Variants in BCKDHB observed in about 807,000 individuals in gnomAD.
The protein encoded by BCKDHB is branched chain keto acid dehydrogenase E1 subunit beta.
Under a neutral mutation model 48.5 loss-of-function variants are expected in BCKDHB, and 41 were observed. That is an observed-to-expected ratio of 0.85 (90% CI 0.66 to 1.10). The LOEUF (loss-of-function observed/expected upper bound fraction) is 1.10. Ranked by LOEUF, BCKDHB falls within the 50% of genes least tolerant of loss-of-function variation. The pLI is 0.00. For synonymous variants in BCKDHB, 201 were observed against 174.8 expected (o/e 1.15, Z -1.18); for missense variants, 496 against 494.2 (o/e 1.00, Z -0.03).
At chr6:80,286,183 A>G (rs937523540) in intron 9 of BCKDHB, among the ~76,000 whole-genome samples, 2 of 152,210 alleles carry the variant, frequency 1.3e-5, no homozygotes, top group African/African-American at 4.8e-5. Context: ...AGCACAATAC[A>G]TAATTAAGAA....
rs576280783 is a variant in BCKDHB, at chr6:80,111,483, A to G, written c.196+4594A>G. ...CAGGGGACTGGCAGGGGCTTAATAT[A>G]GTCCTTTATCCAATTCTCGTTTTTC... On this transcript the variant is annotated intron_variant, in intron 1 of 9. Coordinates refer to ENST00000320393, the MANE Select transcript of BCKDHB (RefSeq NM_183050.4). Among the ~76,000 whole-genome samples, 7 of 152,290 alleles carry G rather than the reference A, an allele frequency of 4.6e-5. No individual in the cohort carries two copies. In the South Asian group the frequency reaches 1.5e-3, roughly 32 times the overall value.
chr6:80,354,282 C>G, the BCKDHB span, among the ~76,000 whole-genome samples: 1 of 152,094 alleles, frequency 6.6e-6, no homozygotes, highest in South Asian at 2.1e-4. Context: ...GGCTGGAGTG[C>G]AATGGGGTGA....
At chr6:80,166,584 AGTCAGAGG>A (rs1772580787) in intron 3 of BCKDHB, among the ~76,000 whole-genome samples, 1 of 151,648 alleles carries the variant, frequency 6.6e-6, no homozygotes, top group Non-Finnish European at 1.5e-5. Context: ...TGAACTCAGG[AGTCAGAGG>A]TTGCAGTGAG....
At chr6:80,371,949 G>A in the BCKDHB span, among the ~76,000 whole-genome samples, 1 of 152,016 alleles carries the variant, frequency 6.6e-6, no homozygotes, top group East Asian at 1.9e-4. Context: ...GCTTCATCTT[G>A]CTTTGGCTAT....
chr6:80,457,347 C>T, the BCKDHB span, among the ~76,000 whole-genome samples: 1 of 152,106 alleles, frequency 6.6e-6, no homozygotes, highest in Non-Finnish European at 1.5e-5. Flanking sequence ...ATGCTGACAC[C>T]AGCAGAAAAA....
At chr6:80,452,510 G>GA in the BCKDHB span, among the ~76,000 whole-genome samples, 19 of 151,620 alleles carry the variant, frequency 1.3e-4, no homozygotes, top group African/African-American at 2.4e-4. Context: ...GCTTAAAGGA[G>GA]AAAAAAAATC....
chr6:80,160,368 G>C (rs540997470), intron 3 of BCKDHB, among the ~76,000 whole-genome samples: 127 of 152,242 alleles, frequency 8.3e-4, no homozygotes, highest in African/African-American at 3.0e-3. Context: ...ATGTTGGCCA[G>C]GCTGGTTTCG....
chr6:80,338,596 T>A (rs1425072219), intron 9 of BCKDHB, among the ~76,000 whole-genome samples: 1 of 152,258 alleles, frequency 6.6e-6, no homozygotes, highest in Non-Finnish European at 1.5e-5. Flanking sequence ...GTTAGCTGTT[T>A]AGGCATTGTG....
intron 6 of BCKDHB, among the ~76,000 whole-genome samples, chr6:80,180,399 G>T (rs1773356676): frequency 6.6e-6 from 1 of 152,134 alleles, no homozygotes; most frequent in South Asian, 2.1e-4. Flanking sequence ...ACAAAATAGT[G>T]ATGATTCAAA....
chr6:80,371,983 A>T, the BCKDHB span, among the ~76,000 whole-genome samples: 1 of 151,998 alleles, frequency 6.6e-6, no homozygotes, highest in East Asian at 1.9e-4. Context: ...TTGGTTCCAT[A>T]TGAATTTTGG....
intron 9 of BCKDHB, among the ~76,000 whole-genome samples, chr6:80,300,540 G>A (rs754420861): frequency 1.4e-4 from 22 of 152,210 alleles, no homozygotes; most frequent in Admixed American, 7.2e-4. Context: ...AAAAGACTTC[G>A]ACAACCACAC....
At chr6:80,318,934 T>A (rs545419070) in intron 9 of BCKDHB, among the ~76,000 whole-genome samples, 1 of 152,300 alleles carries the variant, frequency 6.6e-6, no homozygotes, top group East Asian at 1.9e-4. Context: ...TATGGAAGGT[T>A]CTCAAGCCAA....
intron 9 of BCKDHB, among the ~76,000 whole-genome samples, chr6:80,304,794 T>C (rs1010918660): frequency 6.6e-6 from 1 of 152,106 alleles, no homozygotes; most frequent in African/African-American, 2.4e-5. Flanking sequence ...ATTTATTACA[T>C]TGATTGACTA....
chr6:80,282,296 C>T (rs1766366668), intron 9 of BCKDHB, among the ~76,000 whole-genome samples: 1 of 152,092 alleles, frequency 6.6e-6, no homozygotes, highest in African/African-American at 2.4e-5. Flanking sequence ...TTATTTTCTG[C>T]TGAGATGATG....
At chr6:80,327,250 C>T (rs553433237) in intron 9 of BCKDHB, among the ~76,000 whole-genome samples, 1 of 152,232 alleles carries the variant, frequency 6.6e-6, no homozygotes, top group African/African-American at 2.4e-5. Context: ...CATTAGCCTA[C>T]AGTTGGGCAA....
At chr6:80,227,800 A>G (rs1775742563) in intron 8 of BCKDHB, among the ~76,000 whole-genome samples, 1 of 152,128 alleles carries the variant, frequency 6.6e-6, no homozygotes, top group Non-Finnish European at 1.5e-5. Flanking sequence ...AATTATAATA[A>G]TCTACTAATG....
intron 8 of BCKDHB, among the ~76,000 whole-genome samples, chr6:80,259,085 C>G (rs1164959602): frequency 1.3e-5 from 2 of 151,936 alleles, no homozygotes; most frequent in East Asian, 3.9e-4. Context: ...TGTAGATATA[C>G]TTAATATTAA....
At chr6:80,321,108 A>G (rs1361320145) in intron 9 of BCKDHB, among the ~76,000 whole-genome samples, 2 of 152,108 alleles carry the variant, frequency 1.3e-5, no homozygotes, top group Non-Finnish European at 2.9e-5. Flanking sequence ...AAATTAGACA[A>G]TATAGTTCAT....
rs1582535932 is a variant in BCKDHB at position 80,303,031 on chromosome 6, C to T, written c.1038+29810C>T. Among the ~76,000 whole-genome samples the T allele has an allele frequency of 3.3e-5, 5 of 152,170 alleles. No individual in the cohort carries two copies. In the South Asian group the frequency reaches 1.0e-3, roughly 32 times the overall value. The stretch of plus-strand genomic sequence containing the variant: ...TTTCCAGTGTGCACAGAGAAAAATA[C>T]TGATAAGACTTGATTTATTAAAAGT... On this transcript the variant is annotated intron_variant, in intron 9 of 9. Coordinates refer to ENST00000320393, the MANE Select transcript of BCKDHB (RefSeq NM_183050.4).
Sources: gnomAD v4.1 joint callset for allele counts (sites outside exome capture counted in the v4.1 genomes callset) on GRCh38, gnomAD v4.1.1 for gene constraint, MANE v1.5 for transcripts, NCBI Gene and HGNC (gene_info 2026-07-23, HGNC 2026-07-21) for gene names.